FRMPD4: variants seen among roughly 807,000 people sequenced by gnomAD.
The protein encoded by FRMPD4 is FERM and PDZ domain containing 4.
A neutral mutation model predicts 94.1 loss-of-function variants in FRMPD4; 22 were observed. The ratio of observed to expected loss-of-function variants is 0.23; its 90% CI spans 0.17 to 0.33. The LOEUF (loss-of-function observed/expected upper bound fraction) is 0.33, where lower values mean the gene tolerates loss of function less well. Among genes scored for constraint, FRMPD4 ranks in the 10% least tolerant of loss-of-function variants. The probability of loss-of-function intolerance (pLI) is 1.00; values close to 1 mark genes in which losing one functional copy is unlikely to be tolerated. For synonymous variants in FRMPD4, 631 were observed against 548.6 expected (o/e 1.15, Z -2.10); for missense variants, 1,111 against 1,339.9 (o/e 0.83, Z 2.67).
At chrX:12,350,950 C>T (rs1444892542) in intron 1 of FRMPD4, among the ~76,000 whole-genome samples, 3 of 111,894 alleles carry the variant, frequency 2.7e-5, no homozygotes, top group African/African-American at 6.5e-5. Context: ...CCAAGGCGGG[C>T]AGATCACGAG....
chrX:12,523,366 T>C (rs965817058), intron 2 of FRMPD4, among the ~76,000 whole-genome samples: 1 of 112,456 alleles, frequency 8.9e-6, no homozygotes, highest in Non-Finnish European at 1.9e-5. Context: ...GCTGTCTCCT[T>C]GACACTCATT....
At chrX:12,012,404 T>C (rs2054585673) in intron 3 of FRMPD4, among the ~76,000 whole-genome samples, 1 of 112,158 alleles carries the variant, frequency 8.9e-6, no homozygotes, top group African/African-American at 3.2e-5. Flanking sequence ...TCCCTTTTTT[T>C]CTAAGTCTGT....
chrX:12,524,872 A>G (rs2058205196), intron 2 of FRMPD4, among the ~76,000 whole-genome samples: 1 of 111,884 alleles, frequency 8.9e-6, no homozygotes, highest in Admixed American at 9.5e-5. Context: ...TCCATGGGAC[A>G]TATGCACCCC....
Position 12,380,002 on chromosome X carries a change from G to A in FRMPD4, c.42-118678G>A, listed in dbSNP as rs928187453. 1.1e-4 allele frequency among the ~76,000 whole-genome samples: 12 copies of A among 111,144 alleles called. 1 individual carries two copies. The highest frequency in any genetic ancestry group is 2.1e-4 in the Non-Finnish European group (11 of 53,028). ...TTTGAGGAGAGAATGCAAAGTCTCC[G>A]GGGGAAATCAGTATTGGAAGTTTTA... On this transcript the variant is annotated intron_variant, in intron 1 of 16. Coordinates refer to ENST00000675598, the MANE Select transcript of FRMPD4 (RefSeq NM_001368397.1).
chrX:12,560,959 C>T (rs2148346249), intron 2 of FRMPD4, among the ~76,000 whole-genome samples: 1 of 97,287 alleles, frequency 1.0e-5, no homozygotes, highest in East Asian at 3.2e-4. Context: ...TTAGTAGAGA[C>T]GGGTTTTCAC....
chrX:11,950,618 A>G (rs1425326924), intron 3 of FRMPD4, among the ~76,000 whole-genome samples: 2 of 112,035 alleles, frequency 1.8e-5, no homozygotes, highest in African/African-American at 6.5e-5. Flanking sequence ...AAATTGAGAT[A>G]TCATTTACAT....
At chrX:12,227,241 G>A (rs1252628463) in intron 1 of FRMPD4, among the ~76,000 whole-genome samples, 1 of 111,271 alleles carries the variant, frequency 9.0e-6, no homozygotes, top group Non-Finnish European at 1.9e-5. Context: ...GGCAGCATCA[G>A]GATGCCTGGT....
intron 1 of FRMPD4, among the ~76,000 whole-genome samples, chrX:12,328,893 G>A (rs965505005): frequency 8.9e-6 from 1 of 111,852 alleles, no homozygotes; most frequent in African/African-American, 3.2e-5. Flanking sequence ...AGAGTGTACT[G>A]TAGGTGCCAA....
chrX:11,999,826 T>G (rs1257002310), intron 3 of FRMPD4, among the ~76,000 whole-genome samples: 1 of 111,684 alleles, frequency 9.0e-6, no homozygotes, highest in Admixed American at 9.5e-5. Context: ...ACTAAAAACC[T>G]CTTCACAGAA....
intron 11 of FRMPD4, 76 bp downstream of exon 11, chrX:12,704,561 T>C: frequency 6.8e-6 from 5 of 736,871 alleles, no homozygotes; most frequent in Non-Finnish European, 9.9e-6. Flanking sequence ...TAAAATTAGC[T>C]CATGAATAAA....
intron 1 of FRMPD4, among the ~76,000 whole-genome samples, chrX:12,230,333 A>G (rs1355808703): frequency 9.0e-6 from 1 of 111,604 alleles, no homozygotes; most frequent in Non-Finnish European, 1.9e-5. Context: ...TGACCATGCC[A>G]GTAATCATGT....
At chrX:11,911,640 A>G (rs1168860016) in intron 3 of FRMPD4, among the ~76,000 whole-genome samples, 1 of 111,820 alleles carries the variant, frequency 8.9e-6, no homozygotes, top group African/African-American at 3.3e-5. Context: ...GATGGAGAGC[A>G]GGTTAGCAAA....
At chrX:12,369,832 T>G (rs2056137735) in intron 1 of FRMPD4, among the ~76,000 whole-genome samples, 1 of 112,269 alleles carries the variant, frequency 8.9e-6, no homozygotes, top group Admixed American at 9.4e-5. Flanking sequence ...ACAGGCCTAG[T>G]TCCTATGCCA....
intron 11 of FRMPD4, among the ~76,000 whole-genome samples, chrX:12,705,701 C>A (rs2041863251): frequency 9.0e-6 from 1 of 110,885 alleles, no homozygotes; most frequent in Non-Finnish European, 1.9e-5. Context: ...TTGCTGGAAG[C>A]TAATTTCTAT....
At chrX:12,222,960 T>G (rs942073756) in intron 1 of FRMPD4, among the ~76,000 whole-genome samples, 2 of 112,324 alleles carry the variant, frequency 1.8e-5, no homozygotes, top group African/African-American at 6.5e-5. Context: ...TACATGTGCA[T>G]AGAAATCTTT....
chrX:12,102,442 C>T (rs764533025), intron 3 of FRMPD4, among the ~76,000 whole-genome samples: 4 of 111,558 alleles, frequency 3.6e-5, no homozygotes, highest in Non-Finnish European at 5.7e-5. Context: ...TAGATCTTAC[C>T]GTCTCATTTG....
chrX:11,971,048 T>G (rs1003149386), intron 3 of FRMPD4, among the ~76,000 whole-genome samples: 11 of 112,441 alleles, frequency 9.8e-5, no homozygotes, highest in Non-Finnish European at 1.9e-4. Context: ...TCAGGGTTTT[T>G]TCTACTGGGC....
intron 1 of FRMPD4, among the ~76,000 whole-genome samples, chrX:12,438,523 G>T (rs192192253): frequency 9.0e-6 from 1 of 110,599 alleles, no homozygotes; most frequent in Non-Finnish European, 1.9e-5. Flanking sequence ...TCCTAGTAAT[G>T]ATATGGAGAA....
At chrX:12,203,851 G>A (rs1369981908) in intron 1 of FRMPD4, among the ~76,000 whole-genome samples, 1 of 111,993 alleles carries the variant, frequency 8.9e-6, no homozygotes, top group Non-Finnish European at 1.9e-5. Context: ...ATTGACAACT[G>A]GTTGGAACAG....
Sources: gnomAD v4.1 joint callset for allele counts (sites outside exome capture counted in the v4.1 genomes callset) on GRCh38, gnomAD v4.1.1 for gene constraint, MANE v1.5 for transcripts, NCBI Gene and HGNC (gene_info 2026-07-23, HGNC 2026-07-21) for gene names.